The following ZBTB7A variants were observed in gnomAD, a reference collection of about 807,000 sequenced individuals.
The protein encoded by ZBTB7A is zinc finger and BTB domain-containing protein 7A.
ZBTB7A carries 7 observed loss-of-function variants against 26.7 expected under a neutral mutation model. That is an observed-to-expected ratio of 0.26 (90% CI 0.15 to 0.49). The LOEUF is 0.49. Ranked by LOEUF, ZBTB7A falls within the 20% of genes least tolerant of loss-of-function variation. The pLI is 0.98. For synonymous variants in ZBTB7A, 452 were observed against 441.0 expected, an observed-to-expected ratio of 1.02 and a Z score of -0.31; for missense variants, 617 against 919.5, an observed-to-expected ratio of 0.67 and a Z score of 4.25.
At position 4,054,437 on chromosome 19, in the gene ZBTB7A, C is replaced by T. The variant is rs1568233680; in HGVS notation, c.796G>A (p.Ala266Thr). 6 of 1,358,904 alleles carry T rather than the reference C, an allele frequency of 4.4e-6. No individual in the cohort carries two copies. Among genetic ancestry groups the T allele is most frequent in the Non-Finnish European group, 1.9e-6 (2 of 1,063,452 alleles). The allele number at this position is 1,358,904 out of a possible 1,614,324, so 84.2% of individuals were successfully genotyped here. A position where few individuals can be genotyped will look rare whatever the true frequency, so the allele number is the denominator to read the frequency against. ...LFPPPVAPPAATQNGHYGRGG... is the reference protein window; with the variant it reads ...LFPPPVAPPATTQNGHYGRGG... ...CGGCCGTAGTGGCCGTTCTGCGTGG[C>T]GGCCGGCGGGGCCACCGGCGGCGGA... The change falls in exon 2 of 3, where the codon GCC becomes ACC. Residue 266 changes from alanine (A) to threonine (T), a missense_variant. By Grantham distance (58) the Ala-to-Thr change is moderately conservative. Coordinates refer to ENST00000322357, the MANE Select transcript of ZBTB7A (RefSeq NM_015898.4).
At chr19:4,053,021 G>A (rs2040520523) in intron 2 of ZBTB7A, among the ~76,000 whole-genome samples, 1 of 152,218 alleles carries the variant, frequency 6.6e-6, no homozygotes, top group South Asian at 2.1e-4. Context: ...CCAGGCTCAC[G>A]GGAAACTCAG....
rs2040372372 is a variant in ZBTB7A, at chr19:4,043,621, T to TG, written c.*4130dup. Among the ~76,000 whole-genome samples the TG allele has an allele frequency of 3.4e-5, 5 of 145,232 alleles. No individual in the cohort carries two copies. In the East Asian group the frequency reaches 1.0e-3, roughly 29 times the overall value. On this transcript the variant is annotated 3_prime_UTR_variant, in exon 3 of 3. Transcript: ENST00000322357. ...CCTCGATTCTGGGCCTGGGGTGGGGTGGGGGGCGGGACCTGGGCATCGGAT... is the reference window on the plus strand; with the variant it reads ...CCTCGATTCTGGGCCTGGGGTGGGGTGGGGGGGCGGGACCTGGGCATCGGAT...
chr19:4,066,599 G>C (rs1199084490), intron 1 of ZBTB7A, 83 bp downstream of exon 1: 1 of 151,668 alleles, frequency 6.6e-6, no homozygotes, highest in East Asian at 2.0e-4. Flanking sequence ...TCCCCTTCCC[G>C]AGGGGGCAGC....
rs918761564 is a variant in ZBTB7A, at chr19:4,047,764, G to T, written c.1743C>A (p.Ala581=). 13 of 1,598,686 alleles carry T rather than the reference G, an allele frequency of 8.1e-6. No individual in the cohort carries two copies. The highest frequency in any genetic ancestry group is 1.1e-5 in the Non-Finnish European group (13 of 1,173,402). The change falls in exon 3 of 3, where the codon GCC becomes GCA. Residue 581 remains alanine (A), a synonymous_variant. Coordinates refer to ENST00000322357, the MANE Select transcript of ZBTB7A (RefSeq NM_015898.4). ...PGAATDGNFT[A]GLA ...CTCTTTTTGGTTTTTAGGCGAGTCCGGCTGTGAAGTTACCGTCGGTGGCGG... is the reference window on the plus strand; with the variant it reads ...CTCTTTTTGGTTTTTAGGCGAGTCCTGCTGTGAAGTTACCGTCGGTGGCGG...
chr19:4,043,454 GTT>G lies in ZBTB7A; in HGVS notation c.*4296_*4297del, dbSNP rs59932757. The stretch of plus-strand genomic sequence containing the variant: ...ACTCCCAAAAAGTGCATTTTTATCA[GTT>G]TTTTTTTTTTTTAAATCTCCCACAC... On this transcript the variant is annotated 3_prime_UTR_variant, in exon 3 of 3. Coordinates refer to ENST00000322357, the MANE Select transcript of ZBTB7A (RefSeq NM_015898.4). Among the ~76,000 whole-genome samples, 1 of 145,074 alleles carries G rather than the reference GTT, an allele frequency of 6.9e-6. No individual in the cohort carries two copies. The highest frequency in any genetic ancestry group is 2.5e-5 in the African/African-American group (1 of 39,318).
In ZBTB7A at chr19:4,055,091, G is replaced by T; in HGVS notation, c.142C>A (p.His48Asn). Residue 48 changes from histidine to asparagine, a missense_variant, in exon 2 of 3, where the codon CAC (histidine) becomes AAC (asparagine). His to Asn is a moderately conservative substitution (Grantham distance 68). This residue lies in a region of ZBTB7A where 82 missense variants were observed against 195.2 expected (regional missense o/e 0.42). Coordinates refer to ENST00000322357, the MANE Select transcript of ZBTB7A (RefSeq NM_015898.4). The part of the protein sequence containing the change: ...ILVEGREFPT[H>N]RSVLAACSQY... The stretch of plus-strand genomic sequence containing the variant: ...CTGCAGGCGGCCAGCACCGAGCGGT[G>T]CGTGGGGAACTCGCGGCCCTCCACC... 6.2e-7 allele frequency: 1 copy of T among 1,610,016 alleles called. No homozygotes were observed.
Position 4,049,211 on chromosome 19 carries a change from T to A in ZBTB7A, c.1263-967A>T, listed in dbSNP as rs199824239. Among the ~76,000 whole-genome samples the A allele has an allele frequency of 6.1e-3, 265 of 43,092 alleles. 22 individuals are homozygous for A. The highest frequency in any genetic ancestry group is 0.021 in the East Asian group (10 of 472). The allele number at this position is 43,092 out of a possible 152,430, so 28.3% of individuals were successfully genotyped here. On this transcript the variant is annotated intron_variant, in intron 2 of 2. Transcript: ENST00000322357. ...ATATATATATATATATATATATATG[T>A]AAGTTTGAGAGATGGGGGTTGAGCT...
At chr19:4,065,461 GC>G in intron 1 of ZBTB7A, 1 of 147,184 alleles carries the variant, frequency 6.8e-6, no homozygotes, top group Non-Finnish European at 1.5e-5. Flanking sequence ...AGGGGGCCCG[GC>G]CCCGGCGGCG....
chr19:4,059,301 T>C (rs2040615806), intron 1 of ZBTB7A, among the ~76,000 whole-genome samples: 1 of 152,038 alleles, frequency 6.6e-6, no homozygotes, highest in Non-Finnish European at 1.5e-5. Flanking sequence ...GCCTGGAGGA[T>C]GGGCCCAAAA....
Position 4,047,862 on chromosome 19 carries a change from T to A in ZBTB7A, c.1645A>T (p.Ser549Cys), listed in dbSNP as rs1162491256. The A allele has an allele frequency of 6.2e-7, 1 of 1,602,382 alleles. No individual in the cohort carries two copies. Among genetic ancestry groups the A allele is most frequent in the Non-Finnish European group, 8.5e-7 (1 of 1,175,018 alleles). ...KDEDEDEDVA[S>C]PDGLGRLNVA... ...TTCAACCGGCCCAAGCCGTCGGGGCTGGCCACGTCCTCGTCCTCGTCCTCG... is the reference window on the plus strand; with the variant it reads ...TTCAACCGGCCCAAGCCGTCGGGGCAGGCCACGTCCTCGTCCTCGTCCTCG... The change falls in exon 3 of 3, where the codon AGC (serine) becomes TGC (cysteine). Residue 549 changes from serine (S) to cysteine (C), a missense_variant. Physicochemically the swap from Ser to Cys is moderately radical, Grantham distance 112. This residue lies in a region of ZBTB7A where 136 missense variants were observed against 126.6 expected (regional missense o/e 1.07). Coordinates refer to ENST00000322357, the MANE Select transcript of ZBTB7A (RefSeq NM_015898.4).
chr19:4,044,905 GAATAAA>G lies in ZBTB7A; in HGVS notation c.*2841_*2846del, dbSNP rs2040395414. The G allele has an allele frequency of 7.9e-6, 1 of 126,688 alleles. No homozygotes were observed. Among genetic ancestry groups the G allele is most frequent in the Admixed American group, 9.5e-5 (1 of 10,504 alleles). 7.8% of individuals were successfully genotyped at this position (126,688 alleles called of 1,614,324 possible). On this transcript the variant is annotated 3_prime_UTR_variant, in exon 3 of 3. Coordinates refer to ENST00000322357, the MANE Select transcript of ZBTB7A (RefSeq NM_015898.4). ...CACTTTATCACGACCTTAATTTAAA[GAATAAA>G]AATAAAATCGATTCACGTCTATATA...
Position 4,046,007 on chromosome 19 carries a change from G to A in ZBTB7A, c.*1745C>T, listed in dbSNP as rs578216918. ...AGGTCCAGCTCCTTGGTGGCCATGC[G>A]GGAGGGACAGGCGTGTTGGGGGATT... is the stretch of plus-strand genomic sequence containing the variant. On this transcript the variant is annotated 3_prime_UTR_variant, in exon 3 of 3. Coordinates refer to ENST00000322357, the MANE Select transcript of ZBTB7A (RefSeq NM_015898.4). The A allele has an allele frequency of 1.5e-5, 6 of 399,020 alleles. No homozygotes were observed. The highest frequency in any genetic ancestry group is 1.3e-4 in the South Asian group (1 of 7,856). 24.7% of individuals were successfully genotyped at this position (399,020 alleles called of 1,614,324 possible).
chr19:4,063,424 T>A (rs2040659709), intron 1 of ZBTB7A, among the ~76,000 whole-genome samples: 1 of 152,156 alleles, frequency 6.6e-6, no homozygotes, highest in African/African-American at 2.4e-5. Flanking sequence ...TGCCCGCCTC[T>A]GAGGACCAAG....
rs1350799776 is a variant in ZBTB7A at position 4,047,549 on chromosome 19, T to C, written c.*203A>G. 3 of 409,830 alleles carry C rather than the reference T, an allele frequency of 7.3e-6. No homozygotes were observed. The highest frequency in any genetic ancestry group is 1.1e-5 in the Non-Finnish European group (3 of 267,642). 25.4% of individuals were successfully genotyped at this position (409,830 alleles called of 1,614,324 possible). A position where few individuals can be genotyped will look rare whatever the true frequency, so the allele number is the denominator to read the frequency against. ...GGGCCCCTGCGGAGGGAGAAAAACG[T>C]CAGAAAGGAGGGAAATCTGAGAAAG... is the stretch of plus-strand genomic sequence containing the variant. On this transcript the variant is annotated 3_prime_UTR_variant, in exon 3 of 3. Transcript: ENST00000322357.
Position 4,046,176 on chromosome 19 carries a change from C to T in ZBTB7A, c.*1576G>A, listed in dbSNP as rs1358375005. The T allele has an allele frequency of 2.0e-5, 8 of 396,828 alleles. No homozygotes were observed. Among genetic ancestry groups the T allele is most frequent in the Non-Finnish European group, 2.2e-5 (5 of 225,222 alleles). The allele number at this position is 396,828 out of a possible 1,614,324, so 24.6% of individuals were successfully genotyped here. On this transcript the variant is annotated 3_prime_UTR_variant, in exon 3 of 3. Coordinates refer to ENST00000322357, the MANE Select transcript of ZBTB7A (RefSeq NM_015898.4). ...CAAAAAAGGGGACAGAAAGGGGGAG[C>T]GGGGGGAACACAGCACGAACACCCC...
Position 4,057,781 on chromosome 19 carries a change from C to CAAA in ZBTB7A, c.-15-2537_-15-2535dup, listed in dbSNP as rs55908345. 2.7e-3 allele frequency among the ~76,000 whole-genome samples: 226 copies of CAAA among 84,250 alleles called. 4 individuals carry two copies. Among genetic ancestry groups the CAAA allele is most frequent in the African/African-American group, 7.2e-3 (179 of 24,956 alleles). The allele number at this position is 84,250 out of a possible 152,430, so 55.3% of individuals were successfully genotyped here. ...CTGGTGACAGAGCGAGACTCGTCTC[C>CAAA]AAAAAAAAAAAAAAAAACAATAACA... On this transcript the variant is annotated intron_variant, in intron 1 of 2. Transcript: ENST00000322357.
At chr19:4,053,859 G>T in intron 2 of ZBTB7A, 112 bp downstream of exon 2, 1 of 1,258,970 alleles carries the variant, frequency 7.9e-7, no homozygotes, top group Non-Finnish European at 1.1e-6. Flanking sequence ...GTGTATGTGT[G>T]CGTCTGCGTG....
In ZBTB7A at chr19:4,055,033, G is replaced by A; in HGVS notation, c.200C>T (p.Ala67Val). The change falls in exon 2 of 3, where the codon GCC (alanine) becomes GTC (valine). Residue 67 changes from alanine to valine, a missense_variant. Physicochemically the swap from Ala to Val is moderately conservative, Grantham distance 64 (BLOSUM62 0). Around this residue, in one of 5 missense-constraint regions of ZBTB7A, gnomAD observed 82 missense variants for 195.2 expected, o/e 0.42. Coordinates refer to ENST00000322357, the MANE Select transcript of ZBTB7A (RefSeq NM_015898.4). Reference sequence around the variant, plus strand: ...GTACACGTTCTGCTGGTCCACCACGGCGCCCGACGTGAACAGCTTCTTGAA... The same window carrying A: ...GTACACGTTCTGCTGGTCCACCACGACGCCCGACGTGAACAGCTTCTTGAA... ...QYFKKLFTSG[A>V]VVDQQNVYEI... is the part of the protein sequence containing the mutation. The A allele has an allele frequency of 6.2e-7, 1 of 1,610,652 alleles. No individual in the cohort carries two copies. Among genetic ancestry groups the A allele is most frequent in the Non-Finnish European group, 8.5e-7 (1 of 1,178,832 alleles).
intron 2 of ZBTB7A, 132 bp downstream of exon 2, chr19:4,053,839 G>A (rs1055854945): frequency 6.8e-6 from 7 of 1,026,044 alleles, no homozygotes; most frequent in African/African-American, 6.4e-5. Flanking sequence ...ACGTGTCTGT[G>A]TGCACGTGCG....
Sources: allele counts gnomAD v4.1 joint callset (sites outside exome capture counted in the v4.1 genomes callset), GRCh38; gene constraint gnomAD v4.1.1; regional missense constraint gnomAD v4.1.1; transcripts MANE v1.5; gene names NCBI Gene and HGNC (gene_info 2026-07-23, HGNC 2026-07-21).